Variants in UBE2E2 observed in about 807,000 individuals in gnomAD.
UBE2E2 encodes ubiquitin-conjugating enzyme E2 E2.
Under a neutral mutation model 24.7 loss-of-function variants are expected in UBE2E2, and 6 were observed. The observed-to-expected ratio is 0.24, with a 90% CI of 0.13 to 0.48. The LOEUF (loss-of-function observed/expected upper bound fraction) is 0.48. Ranked by LOEUF, UBE2E2 falls within the 20% of genes least tolerant of loss-of-function variation. The pLI is 0.99. For synonymous variants in UBE2E2, 104 were observed against 83.6 expected (o/e 1.24, Z -1.33); for missense variants, 169 against 245.0 (o/e 0.69, Z 2.07).
chr3:23,531,729 G>A (rs538612915), intron 4 of UBE2E2, among the ~76,000 whole-genome samples: 6 of 151,844 alleles, frequency 4.0e-5, no homozygotes, highest in African/African-American at 7.3e-5. Flanking sequence ...CTATGAACTG[G>A]GCATGTTATT....
At chr3:23,322,035 G>C (rs1203248919) in intron 3 of UBE2E2, among the ~76,000 whole-genome samples, 2 of 152,110 alleles carry the variant, frequency 1.3e-5, no homozygotes, top group East Asian at 1.9e-4. Flanking sequence ...TTATTTTAAA[G>C]TTTAATAGCC....
intron 1 of UBE2E2, among the ~76,000 whole-genome samples, chr3:23,205,981 A>G (rs1487363365): frequency 6.6e-6 from 1 of 152,226 alleles, no homozygotes; most frequent in Non-Finnish European, 1.5e-5. Flanking sequence ...TGTTATACAC[A>G]ACTGAAACTC....
At position 23,590,074 on chromosome 3, in the gene UBE2E2, T is replaced by G; in HGVS notation, c.*243T>G. 2.4e-6 allele frequency: 1 copy of G among 424,166 alleles called. No homozygotes were observed. 26.3% of individuals were successfully genotyped at this position (424,166 alleles called of 1,614,324 possible). A position where few individuals can be genotyped will look rare whatever the true frequency, so the allele number is the denominator to read the frequency against. ...TTGATTTCTGTTAACTTGAAAGATTTGGGATTTTTTCCCACCTCATCATAG... is the reference window on the plus strand; with the variant it reads ...TTGATTTCTGTTAACTTGAAAGATTGGGGATTTTTTCCCACCTCATCATAG... On this transcript the variant is annotated 3_prime_UTR_variant, in exon 6 of 6. Transcript: ENST00000396703.
At chr3:23,525,127 A>C (rs1397612104) in intron 4 of UBE2E2, among the ~76,000 whole-genome samples, 1 of 152,092 alleles carries the variant, frequency 6.6e-6, no homozygotes, top group Non-Finnish European at 1.5e-5. Context: ...CACATCACTT[A>C]TCACATCCCC....
At chr3:23,401,187 G>A (rs571257922) in intron 3 of UBE2E2, among the ~76,000 whole-genome samples, 1 of 152,268 alleles carries the variant, frequency 6.6e-6, no homozygotes, top group South Asian at 2.1e-4. Flanking sequence ...AACCCACTTT[G>A]CCCACCAGGT....
intron 3 of UBE2E2, among the ~76,000 whole-genome samples, chr3:23,298,958 A>G (rs1239783889): frequency 6.6e-6 from 1 of 152,206 alleles, no homozygotes. Flanking sequence ...TATTGCTTCA[A>G]TCTCAGAGCC....
rs557861532 is a variant in UBE2E2 at position 23,249,736 on chromosome 3, A to T, written c.227+32424A>T. On this transcript the variant is annotated intron_variant, in intron 3 of 5. Coordinates refer to ENST00000396703, the MANE Select transcript of UBE2E2 (RefSeq NM_152653.4). ...AGTGGCATGATCTCGGCTCACTGCAAGCTCTGCTTTCTGGGTTCATGCCAT... is the reference window on the plus strand; with the variant it reads ...AGTGGCATGATCTCGGCTCACTGCATGCTCTGCTTTCTGGGTTCATGCCAT... Among the ~76,000 whole-genome samples, 12 of 152,046 alleles carry T rather than the reference A, an allele frequency of 7.9e-5. No individual in the cohort carries two copies. In the South Asian group the frequency reaches 2.3e-3, roughly 29 times the overall value.
chr3:23,571,828 A>G (rs1278360904), intron 5 of UBE2E2, among the ~76,000 whole-genome samples: 8 of 152,194 alleles, frequency 5.3e-5, no homozygotes, highest in Admixed American at 5.2e-4. Flanking sequence ...GAGAAAGGAA[A>G]GCCATCTTTT....
At chr3:23,450,042 C>A in intron 3 of UBE2E2, 1 of 500,722 alleles carries the variant, frequency 2.0e-6, no homozygotes, top group Non-Finnish European at 2.6e-6. Flanking sequence ...TTATTGGTGG[C>A]CATTTGTCTG....
At chr3:23,311,092 A>G (rs923116562) in intron 3 of UBE2E2, among the ~76,000 whole-genome samples, 11 of 152,162 alleles carry the variant, frequency 7.2e-5, no homozygotes, top group Middle Eastern at 3.4e-3. Flanking sequence ...CCACCTATGA[A>G]TGAGAACATG....
chr3:23,573,322 G>A (rs898087890), intron 5 of UBE2E2, among the ~76,000 whole-genome samples: 1 of 152,122 alleles, frequency 6.6e-6, no homozygotes, highest in African/African-American at 2.4e-5. Context: ...TTATAAACAT[G>A]CATCAAACCA....
intron 5 of UBE2E2, among the ~76,000 whole-genome samples, chr3:23,535,342 C>G (rs1468049810): frequency 6.6e-6 from 1 of 152,178 alleles, no homozygotes; most frequent in African/African-American, 2.4e-5. Context: ...GACCGATAAA[C>G]ACCTACTCAG....
Position 23,590,122 on chromosome 3 carries a change from C to T in UBE2E2, c.*291C>T. ...TAGATGGGAACTTTTGTTTTCAGTGCAAACAATGTTGGAGCTGTAATAGTA... is the reference window on the plus strand; with the variant it reads ...TAGATGGGAACTTTTGTTTTCAGTGTAAACAATGTTGGAGCTGTAATAGTA... On this transcript the variant is annotated 3_prime_UTR_variant, in exon 6 of 6. Coordinates refer to ENST00000396703, the MANE Select transcript of UBE2E2 (RefSeq NM_152653.4). 3.1e-6 allele frequency: 1 copy of T among 318,122 alleles called. No individual in the cohort carries two copies. The highest frequency in any genetic ancestry group is 2.1e-5 in the African/African-American group (1 of 47,344). The allele number at this position is 318,122 out of a possible 1,614,324, so 19.7% of individuals were successfully genotyped here. A position where few individuals can be genotyped will look rare whatever the true frequency, so the allele number is the denominator to read the frequency against.
chr3:23,513,813 G>T (rs1158610338), intron 4 of UBE2E2, among the ~76,000 whole-genome samples: 1 of 152,038 alleles, frequency 6.6e-6, no homozygotes, highest in Non-Finnish European at 1.5e-5. Context: ...ACCTTTTCAT[G>T]TGTCCAGAAT....
intron 3 of UBE2E2, among the ~76,000 whole-genome samples, chr3:23,461,716 G>C (rs1268504398): frequency 6.6e-6 from 1 of 151,954 alleles, no homozygotes; most frequent in African/African-American, 2.4e-5. Context: ...AGGTCTCTAA[G>C]ACAGATATCT....
intron 5 of UBE2E2, among the ~76,000 whole-genome samples, chr3:23,572,700 G>A (rs1267765098): frequency 1.3e-5 from 2 of 152,174 alleles, no homozygotes; most frequent in Non-Finnish European, 2.9e-5. Flanking sequence ...CCATGTTGCT[G>A]CAAAGGATAT....
chr3:23,303,316 A>G (rs754802535), intron 3 of UBE2E2, among the ~76,000 whole-genome samples: 1 of 152,168 alleles, frequency 6.6e-6, no homozygotes, highest in African/African-American at 2.4e-5. Flanking sequence ...AATAATAGAA[A>G]TAAAGTGCAC....
chr3:23,589,974 A>G lies in UBE2E2; in HGVS notation c.*143A>G. The G allele has an allele frequency of 5.9e-6, 4 of 674,142 alleles. No individual in the cohort carries two copies. The highest frequency in any genetic ancestry group is 7.4e-6 in the Non-Finnish European group (3 of 402,932). 41.8% of individuals were successfully genotyped at this position (674,142 alleles called of 1,614,324 possible). Reference sequence around the variant, plus strand: ...ACCATTTTGTGATGGTATGTTGTCCATCTTCCCATCCCAGTTCTTCCTGCC... The same window carrying G: ...ACCATTTTGTGATGGTATGTTGTCCGTCTTCCCATCCCAGTTCTTCCTGCC... On this transcript the variant is annotated 3_prime_UTR_variant, in exon 6 of 6. Coordinates refer to ENST00000396703, the MANE Select transcript of UBE2E2 (RefSeq NM_152653.4). This position sits in a 1 kb window ranked among gnomAD's most constrained non-coding sequence, Gnocchi z 4.1.
intron 3 of UBE2E2, among the ~76,000 whole-genome samples, chr3:23,383,342 A>G (rs1189685829): frequency 6.6e-6 from 1 of 152,218 alleles, no homozygotes; most frequent in African/African-American, 2.4e-5. Context: ...ACCTTGAGGA[A>G]AATCTGGCTT....
Sources: gnomAD v4.1 joint callset for allele counts (sites outside exome capture counted in the v4.1 genomes callset) on GRCh38, gnomAD v4.1.1 for gene constraint, Gnocchi (gnomAD v3.1) non-coding constraint, MANE v1.5 for transcripts, NCBI Gene and HGNC (gene_info 2026-07-23, HGNC 2026-07-21) for gene names.